MTRF1L: variants seen among roughly 807,000 people sequenced by gnomAD.
MTRF1L encodes peptide chain release factor 1-like, mitochondrial.
A neutral mutation model predicts 40.0 loss-of-function variants in MTRF1L; 29 were observed. That is an observed-to-expected ratio of 0.73 (90% confidence interval 0.54 to 0.99). The LOEUF (loss-of-function observed/expected upper bound fraction) is 0.99, where lower values mean the gene tolerates loss of function less well. MTRF1L is among the 50% of genes least tolerant of loss of function. The pLI is 0.00. For missense variants in MTRF1L, 412 were observed against 464.5 expected (o/e 0.89, Z 1.04); for synonymous variants, 150 against 175.8 (o/e 0.85, Z 1.16).
At chr6:153,001,771 G>A (rs557609563) in intron 1 of MTRF1L, among the ~76,000 whole-genome samples, 2 of 152,234 alleles carry the variant, frequency 1.3e-5, no homozygotes, top group South Asian at 4.2e-4. Flanking sequence ...CTCCTCCCTG[G>A]CCTGTCAGCC....
intron 4 of MTRF1L, among the ~76,000 whole-genome samples, chr6:152,994,079 A>AT (rs1429386855): frequency 1.2e-4 from 19 of 152,254 alleles, no homozygotes; most frequent in African/African-American, 4.3e-4. Context: ...AAGTATACTC[A>AT]TTATGAACAG....
intron 2 of MTRF1L, among the ~76,000 whole-genome samples, chr6:152,998,055 GT>G (rs1218598033): frequency 6.8e-6 from 1 of 147,052 alleles, no homozygotes; most frequent in Non-Finnish European, 1.5e-5. Context: ...ATAAATTAAA[GT>G]TTATATATAT....
chr6:152,998,255 C>T (rs75983555), intron 2 of MTRF1L: 13,645 of 172,744 alleles, frequency 0.079, 654 homozygotes, highest in Admixed American at 0.17. Context: ...GAGAGCGCTA[C>T]AGTACTTTTA....
At chr6:152,993,061 T>G (rs547985366) in intron 4 of MTRF1L, 87 bp from the exon 5 acceptor site, 5 of 899,828 alleles carry the variant, frequency 5.6e-6, no homozygotes, top group Non-Finnish European at 9.0e-6. Flanking sequence ...ATATACAACA[T>G]GTACAGAATT....
In MTRF1L at chr6:152,989,877, T is replaced by A; in HGVS notation, c.*18A>T. The A allele has an allele frequency of 6.3e-7, 1 of 1,593,300 alleles. No homozygotes were observed. The highest frequency in any genetic ancestry group is 8.5e-7 in the Non-Finnish European group (1 of 1,172,898). On this transcript the variant is annotated 3_prime_UTR_variant, in exon 7 of 7. Coordinates refer to ENST00000367233, the MANE Select transcript of MTRF1L (RefSeq NM_019041.7). Reference sequence around the variant, plus strand: ...AGAATTTTTCTAAGCTACGAAAGTCTATAAATAACAAATCAACTTAAACTT... The same window carrying A: ...AGAATTTTTCTAAGCTACGAAAGTCAATAAATAACAAATCAACTTAAACTT...
chr6:152,990,150 C>A, intron 6 of MTRF1L, 55 bp from the exon 7 acceptor site: 1 of 1,571,528 alleles, frequency 6.4e-7, no homozygotes, highest in South Asian at 1.2e-5. Flanking sequence ...TTTAAACCTA[C>A]AAATTTAACT....
In MTRF1L at chr6:152,994,652, C is replaced by T. The variant is rs1357198011; in HGVS notation, c.548G>A (p.Ser183Asn). 2 of 1,614,098 alleles carry T rather than the reference C, an allele frequency of 1.2e-6. No individual in the cohort carries two copies. Among genetic ancestry groups the T allele is most frequent in the South Asian group, 1.1e-5 (1 of 91,084 alleles). The change falls in exon 4 of 7, where the codon AGC (serine) becomes AAC (asparagine). Residue 183 changes from serine (S) to asparagine (N), a missense_variant. By Grantham distance (46) the Ser-to-Asn change is conservative. Transcript: ENST00000367233. The part of the protein sequence containing the change: ...ELGGLRHASA[S>N]IGGSEAYRHM... Reference sequence around the variant, plus strand: ...CCTATAGGCTTCTGAACCCCCAATGCTGGCAGATGCATGTCTAAGGCCACC... The same window carrying T: ...CCTATAGGCTTCTGAACCCCCAATGTTGGCAGATGCATGTCTAAGGCCACC...
intron 4 of MTRF1L, 39 bp from the exon 5 acceptor site, chr6:152,993,013 G>T (rs371271442): frequency 2.7e-6 from 4 of 1,503,182 alleles, no homozygotes; most frequent in African/African-American, 2.7e-5. Context: ...AAGATTACAT[G>T]TATCAACTTT....
chr6:152,992,842 G>A lies in MTRF1L; in HGVS notation c.805+15C>T, dbSNP rs1778574000. 6.3e-7 allele frequency: 1 copy of A among 1,576,946 alleles called. No individual in the cohort carries two copies. Among genetic ancestry groups the A allele is most frequent in the African/African-American group, 1.3e-5 (1 of 74,186 alleles). On this transcript the variant is annotated intron_variant, in intron 5 of 6. Transcript: ENST00000367233. ...GATTTCTTTGGTGTCATATATTGAA[G>A]GAATAAGTACACACCTGTTGGAAGA...
Position 152,992,940 on chromosome 6 carries a change from A to G in MTRF1L, c.722T>C (p.Ile241Thr). ...AGCTCCACTGGCTCGCTTAGTGTCAATTCTCAAATCTTTCGGATTAATCAC... is the reference window on the plus strand; with the variant it reads ...AGCTCCACTGGCTCGCTTAGTGTCAGTTCTCAAATCTTTCGGATTAATCAC... Reference protein sequence around the residue: ...NLVINPKDLRIDTKRASGAGG... With the variant: ...NLVINPKDLRTDTKRASGAGG... Residue 241 changes from isoleucine to threonine, a missense_variant, in exon 5 of 7, where the codon ATT becomes ACT. Coordinates refer to ENST00000367233, the MANE Select transcript of MTRF1L (RefSeq NM_019041.7). The G allele has an allele frequency of 1.2e-6, 2 of 1,613,298 alleles. No individual in the cohort carries two copies. Among genetic ancestry groups the G allele is most frequent in the Non-Finnish European group, 1.7e-6 (2 of 1,180,006 alleles).
chr6:152,992,461 T>A (rs901432729), intron 5 of MTRF1L, among the ~76,000 whole-genome samples: 3 of 151,894 alleles, frequency 2.0e-5, no homozygotes, highest in African/African-American at 7.2e-5. Context: ...TTCATATCAT[T>A]TTTTTTTAAA....
At chr6:152,998,513 T>C (rs745857569) in intron 2 of MTRF1L, 37 bp downstream of exon 2, 4 of 1,457,298 alleles carry the variant, frequency 2.7e-6, no homozygotes, top group Middle Eastern at 2.0e-4. Context: ...TGCCTAAGAA[T>C]AGCACAAATG....
chr6:152,991,362 AT>A (rs779745687), intron 5 of MTRF1L, 41 bp from the exon 6 acceptor site: 14 of 1,523,072 alleles, frequency 9.2e-6, no homozygotes, highest in South Asian at 6.3e-5. Context: ...TAATAAAAAA[AT>A]CTTCTTTACT....
intron 1 of MTRF1L, among the ~76,000 whole-genome samples, chr6:153,001,701 A>C (rs1283622194): frequency 6.6e-6 from 1 of 152,136 alleles, no homozygotes; most frequent in East Asian, 1.9e-4. Flanking sequence ...TGTTTCTCAA[A>C]ATGTTTTGTG....
Position 152,990,074 on chromosome 6 carries a change from C to T in MTRF1L, c.964G>A (p.Glu322Lys). The T allele has an allele frequency of 6.2e-7, 1 of 1,613,848 alleles. No homozygotes were observed. The highest frequency in any genetic ancestry group is 8.5e-7 in the Non-Finnish European group (1 of 1,179,938). Reference sequence around the variant, plus strand: ...GGAAAATTATATGTTCTTATTTTCTCTGATCTTCCTTTACTTCCAATCTGT... The same window carrying T: ...GGAAAATTATATGTTCTTATTTTCTTTGATCTTCCTTTACTTCCAATCTGT... Reference protein sequence around the residue: ...KIQIGSKGRSEKIRTYNFPQN... With the variant: ...KIQIGSKGRSKKIRTYNFPQN... Residue 322 changes from glutamate to lysine, a missense_variant, in exon 7 of 7, where the codon GAG becomes AAG. By Grantham distance (56) the Glu-to-Lys change is moderately conservative. Coordinates refer to ENST00000367233, the MANE Select transcript of MTRF1L (RefSeq NM_019041.7).
In MTRF1L at chr6:153,002,578, C is replaced by A. The variant is rs573115512; in HGVS notation, c.108G>T (p.Leu36=). The change falls in exon 1 of 7, where the codon CTG becomes CTT. Residue 36 remains leucine (L), a synonymous_variant. Coordinates refer to ENST00000367233, the MANE Select transcript of MTRF1L (RefSeq NM_019041.7). The part of the protein sequence containing the change: ...LSSGSPPLEE[L]FTRGGPLRTF... ...TCCGCAAGGGCCCGCCCCGGGTGAA[C>A]AGCTCCTCCAGCGGCGGGCTACCGG... is the stretch of plus-strand genomic sequence containing the variant. The A allele has an allele frequency of 1.9e-6, 3 of 1,561,118 alleles. No homozygotes were observed. The highest frequency in any genetic ancestry group is 3.8e-5 in the Admixed American group (2 of 52,154).
In MTRF1L at chr6:152,995,206, A is replaced by G; in HGVS notation, c.453T>C (p.Asp151=). Reference sequence around the variant, plus strand: ...TAAATGCAGCATATTGCTGATACATATCAAATATCTCTGATGTAAACAACA... The same window carrying G: ...TAAATGCAGCATATTGCTGATACATGTCAAATATCTCTGATGTAAACAACA... The part of the protein sequence containing the change: ...EAMLFTSEIF[D]MYQQYAAFKR... Residue 151 remains aspartate, a synonymous_variant, in exon 3 of 7, where the codon GAT becomes GAC. Transcript: ENST00000367233. The G allele has an allele frequency of 1.2e-6, 2 of 1,609,986 alleles. No homozygotes were observed. Among genetic ancestry groups the G allele is most frequent in the Non-Finnish European group, 1.7e-6 (2 of 1,178,016 alleles).
intron 1 of MTRF1L, 72 bp downstream of exon 1, chr6:153,002,355 G>T: frequency 6.2e-7 from 1 of 1,609,030 alleles, no homozygotes. Context: ...CTCGGGTAGT[G>T]TGGGCAGTGG....
Position 152,988,993 on chromosome 6 carries a change from T to C in MTRF1L, c.*902A>G, listed in dbSNP as rs1778415412. 1 of 125,826 alleles carries C rather than the reference T, an allele frequency of 7.9e-6. No individual in the cohort carries two copies. Among genetic ancestry groups the C allele is most frequent in the African/African-American group, 3.2e-5 (1 of 31,080 alleles). The allele number at this position is 125,826 out of a possible 1,614,324, so 7.8% of individuals were successfully genotyped here. A position where few individuals can be genotyped will look rare whatever the true frequency, so the allele number is the denominator to read the frequency against. Reference sequence around the variant, plus strand: ...AGTTGGGAGTGTGAGGTTCTTTGCTTGTAAGACCTGATCCACCAGCGGTAC... The same window carrying C: ...AGTTGGGAGTGTGAGGTTCTTTGCTCGTAAGACCTGATCCACCAGCGGTAC... On this transcript the variant is annotated 3_prime_UTR_variant, in exon 7 of 7. Coordinates refer to ENST00000367233, the MANE Select transcript of MTRF1L (RefSeq NM_019041.7).
Sources: allele counts gnomAD v4.1 joint callset (sites outside exome capture counted in the v4.1 genomes callset), GRCh38; gene constraint gnomAD v4.1.1; transcripts MANE v1.5; gene names NCBI Gene and HGNC (gene_info 2026-07-23, HGNC 2026-07-21).